The following C11orf65 variants were observed in gnomAD, a reference collection of about 807,000 sequenced individuals.
C11orf65 encodes chromosome 11 open reading frame 65, also known as protein MFI.
C11orf65 carries 38 observed loss-of-function variants against 35.3 expected under a neutral mutation model. The observed-to-expected ratio is 1.08, with a 90% CI of 0.83 to 1.41. The LOEUF is 1.41. Ranked by LOEUF, C11orf65 falls within the 40% of genes most tolerant of loss-of-function variation. The probability of loss-of-function intolerance (pLI) is 0.00; values close to 1 mark genes in which losing one functional copy is unlikely to be tolerated. For missense variants in C11orf65, 370 were observed against 367.1 expected (o/e 1.01, Z -0.06); for synonymous variants, 105 against 114.4 (o/e 0.92, Z 0.53).
chr11:108,453,805 A>G (rs1259062729), intron 2 of C11orf65, among the ~76,000 whole-genome samples: 1 of 152,194 alleles, frequency 6.6e-6, no homozygotes, highest in Non-Finnish European at 1.5e-5. Flanking sequence ...TCAGTTTGCT[A>G]GTATTTGGTT....
chr11:108,407,740 C>T (rs866235671), intron 3 of C11orf65, among the ~76,000 whole-genome samples: 5 of 150,506 alleles, frequency 3.3e-5, no homozygotes, highest in Admixed American at 6.6e-5. Context: ...GTCAGGAGAT[C>T]GAGACCACGG....
chr11:108,309,167 G>C, intron 6 of C11orf65: 1 of 637,222 alleles, frequency 1.6e-6, no homozygotes, highest in Non-Finnish European at 2.7e-6. Context: ...ATCCTGTACA[G>C]TATGTTGGGC....
intron 2 of C11orf65, chr11:108,354,723 C>A: frequency 8.8e-7 from 1 of 1,132,366 alleles, no homozygotes; most frequent in Non-Finnish European, 1.3e-6. Context: ...ATAGGCTCAG[C>A]ATACTACACA....
chr11:108,347,963 A>G (rs1252900781), intron 2 of C11orf65, among the ~76,000 whole-genome samples: 2 of 152,240 alleles, frequency 1.3e-5, no homozygotes, highest in African/African-American at 2.4e-5. Flanking sequence ...ATGAAGATTT[A>G]TACTAAAGTT....
chr11:108,382,684 C>G (rs768546223), downstream of C11orf65: 39 of 719,756 alleles, frequency 5.4e-5, no homozygotes, highest in Non-Finnish European at 6.5e-5. Context: ...ATAAAGGGAC[C>G]GAGAGCTCTG....
chr11:108,466,104 G>A (rs2093533860), intron 1 of C11orf65, among the ~76,000 whole-genome samples: 1 of 152,178 alleles, frequency 6.6e-6, no homozygotes, highest in African/African-American at 2.4e-5. Context: ...CAAAAAAAGG[G>A]ATAAGTTAAA....
chr11:108,321,681 G>C (rs2085237817), intron 6 of C11orf65, among the ~76,000 whole-genome samples: 1 of 151,874 alleles, frequency 6.6e-6, no homozygotes, highest in Non-Finnish European at 1.5e-5. Flanking sequence ...TATTCAGGAG[G>C]CTGAGGCAGG....
At position 108,321,327 on chromosome 11, in the gene C11orf65, A is replaced by AGC. The variant is rs1057516905; in HGVS notation, c.641-12258_641-12257dup. On this transcript the variant is annotated intron_variant, in intron 6 of 6. Coordinates refer to the C11orf65 transcript ENST00000525729. ...GTAAAAGAAGTGGAAGAGATGTGTA[A>AGC]GCGCAGCCTTGAGTCTGTGTATTCG... is the stretch of plus-strand genomic sequence containing the variant. 1 of 1,614,140 alleles carries AGC rather than the reference A, an allele frequency of 6.2e-7. No homozygotes were observed. Among genetic ancestry groups the AGC allele is most frequent in the East Asian group, 2.2e-5 (1 of 44,884 alleles).
chr11:108,378,926 A>T (rs1477844198), downstream of C11orf65, among the ~76,000 whole-genome samples: 1 of 151,894 alleles, frequency 6.6e-6, no homozygotes, highest in Non-Finnish European at 1.5e-5. Flanking sequence ...AACCACTATG[A>T]GATACATCTC....
chr11:108,321,376 G>T, intron 6 of C11orf65: 1 of 1,614,194 alleles, frequency 6.2e-7, no homozygotes, highest in Non-Finnish European at 8.5e-7. Flanking sequence ...TTAGCAGGTT[G>T]CAGGCCATTG....
chr11:108,393,299 T>C lies in C11orf65; in HGVS notation c.640A>G (p.Ile214Val), dbSNP rs1351770492. 6.2e-7 allele frequency: 1 copy of C among 1,613,988 alleles called. No individual in the cohort carries two copies. The highest frequency in any genetic ancestry group is 8.5e-7 in the Non-Finnish European group (1 of 1,179,994). The change falls in exon 7 of 9, where the codon ATT becomes GTT. Residue 214 changes from isoleucine (I) to valine (V), a missense_variant. Transcript: ENST00000393084. Reference sequence around the variant, plus strand: ...ATCCCCCCATCTTCAAAAGCTCTAATCAGCCCCTTTGTTGCAGTGTGAATT... The same window carrying C: ...ATCCCCCCATCTTCAAAAGCTCTAACCAGCCCCTTTGTTGCAGTGTGAATT... ...GLIHTATKGL[I>V]RAFEDGGIDS...
At chr11:108,437,110 A>AAAAAAG (rs35610227) in intron 2 of C11orf65, among the ~76,000 whole-genome samples, 2 of 101,918 alleles carry the variant, frequency 2.0e-5, no homozygotes, top group African/African-American at 3.8e-5. Flanking sequence ...AAAAAAAAAA[A>AAAAAAG]GGGGGGGGGT....
Position 108,367,276 on chromosome 11 carries a change from C to T in C11orf65, c.226+25932G>A, listed in dbSNP as rs551571814. On this transcript the variant is annotated intron_variant, in intron 2 of 3. Coordinates refer to the C11orf65 transcript ENST00000524755. ...TGCTGGGATTACAGGTGTGAGCCAC[C>T]GCGCCCGGCCTCATTCCCCTCATTT... is the stretch of plus-strand genomic sequence containing the variant. The T allele has an allele frequency of 7.8e-5, 14 of 180,594 alleles. No homozygotes were observed. The highest frequency in any genetic ancestry group is 1.9e-4 in the Admixed American group (3 of 15,920). 11.2% of individuals were successfully genotyped at this position (180,594 alleles called of 1,614,324 possible). A position where few individuals can be genotyped will look rare whatever the true frequency, so the allele number is the denominator to read the frequency against.
intron 2 of C11orf65, among the ~76,000 whole-genome samples, chr11:108,432,664 A>G (rs918644425): frequency 6.6e-6 from 1 of 152,188 alleles, no homozygotes; most frequent in Non-Finnish European, 1.5e-5. Flanking sequence ...ATAAATTCAA[A>G]TTTAAGTAAC....
chr11:108,464,336 C>T (rs946172292), intron 1 of C11orf65, among the ~76,000 whole-genome samples: 2 of 136,310 alleles, frequency 1.5e-5, no homozygotes, highest in Admixed American at 8.1e-5. Context: ...CTCGCTCTGT[C>T]GCCAGGCTGG....
intron 2 of C11orf65, among the ~76,000 whole-genome samples, chr11:108,449,775 A>C (rs1473355077): frequency 6.6e-6 from 1 of 152,064 alleles, no homozygotes; most frequent in Non-Finnish European, 1.5e-5. Context: ...CAAAAGCCAA[A>C]ATTGACAAAT....
chr11:108,311,282 G>GT (rs1384491657), intron 6 of C11orf65, among the ~76,000 whole-genome samples: 1 of 152,172 alleles, frequency 6.6e-6, no homozygotes, highest in Non-Finnish European at 1.5e-5. Context: ...GTCCCAAATT[G>GT]TTTTTTAAAG....
In C11orf65 at chr11:108,365,397, G is replaced by T. The variant is rs864622625; in HGVS notation, c.226+27811C>A. ...GACTACAAGAGAAACTGAAAGGAGT[G>T]GAAGAAGGCACTGTGCTCAGTGTTG... On this transcript the variant is annotated intron_variant, in intron 2 of 3. Transcript: ENST00000524755. 3.1e-6 allele frequency: 5 copies of T among 1,614,084 alleles called. No individual in the cohort carries two copies. Among genetic ancestry groups the T allele is most frequent in the Non-Finnish European group, 4.2e-6 (5 of 1,180,058 alleles).
intron 2 of C11orf65, among the ~76,000 whole-genome samples, chr11:108,447,271 C>T (rs1362908871): frequency 1.3e-5 from 2 of 152,092 alleles, no homozygotes; most frequent in African/African-American, 2.4e-5. Flanking sequence ...CTCAGCTCTG[C>T]ACCAAGCGGA....
Sources: gnomAD v4.1 joint callset for allele counts (sites outside exome capture counted in the v4.1 genomes callset) on GRCh38, gnomAD v4.1.1 for gene constraint, MANE v1.5 for transcripts, NCBI Gene and HGNC (gene_info 2026-07-23, HGNC 2026-07-21) for gene names.